The following DEUP1 variants were observed in gnomAD, a reference collection of about 807,000 sequenced individuals.
DEUP1 encodes the protein coiled-coil domain containing 67.
Under a neutral mutation model 87.4 loss-of-function variants are expected in DEUP1, and 82 were observed. That is an observed-to-expected ratio of 0.94 (90% CI 0.78 to 1.13). The LOEUF (loss-of-function observed/expected upper bound fraction) is 1.13, where lower values mean the gene tolerates loss of function less well. Ranked by LOEUF, DEUP1 falls within the 50% of genes most tolerant of loss-of-function variation. DEUP1 has a pLI of 0.00. For synonymous variants in DEUP1, 214 were observed against 222.7 expected (o/e 0.96, Z 0.35); for missense variants, 663 against 681.5 (o/e 0.97, Z 0.30).
At chr11:93,353,447 T>A (rs906196497) in intron 2 of DEUP1, among the ~76,000 whole-genome samples, 7 of 152,204 alleles carry the variant, frequency 4.6e-5, no homozygotes, top group Admixed American at 1.3e-4. Context: ...TCTACCGTTC[T>A]GGGGTCTGGA....
intron 2 of DEUP1, among the ~76,000 whole-genome samples, chr11:93,340,554 T>G (rs1944015824): frequency 6.6e-6 from 1 of 152,130 alleles, no homozygotes; most frequent in African/African-American, 2.4e-5. Flanking sequence ...GACTTAATAT[T>G]TTAAAAGGCT....
At chr11:93,349,765 AT>A (rs1416016202) in intron 2 of DEUP1, among the ~76,000 whole-genome samples, 5 of 152,212 alleles carry the variant, frequency 3.3e-5, no homozygotes, top group African/African-American at 1.2e-4. Flanking sequence ...ATAGAAGGAA[AT>A]AAAAATATTT....
chr11:93,407,024 G>A (rs921047090), intron 11 of DEUP1, among the ~76,000 whole-genome samples: 15 of 152,002 alleles, frequency 9.9e-5, no homozygotes, highest in Non-Finnish European at 1.9e-4. Context: ...TAATACATTA[G>A]TGGTGGGTAT....
At chr11:93,375,896 C>T (rs555640973) in intron 7 of DEUP1, among the ~76,000 whole-genome samples, 1 of 152,256 alleles carries the variant, frequency 6.6e-6, no homozygotes, top group African/African-American at 2.4e-5. Context: ...TAGAATTTAG[C>T]TGTGAATCTG....
At chr11:93,409,405 A>C (rs1023879549) in intron 12 of DEUP1, among the ~76,000 whole-genome samples, 1 of 152,364 alleles carries the variant, frequency 6.6e-6, no homozygotes, top group South Asian at 2.1e-4. Context: ...TAAGTCTCTG[A>C]AAGCCTTTTA....
chr11:93,409,137 G>A (rs749283761), intron 12 of DEUP1, among the ~76,000 whole-genome samples: 7 of 152,248 alleles, frequency 4.6e-5, no homozygotes, highest in South Asian at 4.1e-4. Context: ...GATTACAGGC[G>A]TGAGCCACCA....
At chr11:93,344,879 C>A (rs1944262774) in intron 2 of DEUP1, among the ~76,000 whole-genome samples, 2 of 147,322 alleles carry the variant, frequency 1.4e-5, no homozygotes, top group Admixed American at 6.9e-5. Flanking sequence ...TTTTTAAGTT[C>A]AAAGGTGCAT....
Position 93,408,420 on chromosome 11 carries a change from GAA to G in DEUP1, c.1517_1518del (p.Glu506GlyfsTer4). ...YQSQIKVEQN[E>X]ERLSHDCEPN... The stretch of plus-strand genomic sequence containing the variant: ...AAGCCAAATAAAAGTGGAACAAAAT[GAA>G]GAGAGGTATGCTGGCTCCATTATAT... On this transcript the variant is annotated frameshift_variant, in exon 12 of 14. Transcript: ENST00000298050. LOFTEE classifies it high-confidence loss of function. 1 of 1,541,674 alleles carries G rather than the reference GAA, an allele frequency of 6.5e-7. No individual in the cohort carries two copies. Among genetic ancestry groups the G allele is most frequent in the Non-Finnish European group, 8.8e-7 (1 of 1,141,576 alleles).
intron 2 of DEUP1, among the ~76,000 whole-genome samples, chr11:93,337,070 C>T (rs1943802279): frequency 6.6e-6 from 1 of 152,180 alleles, no homozygotes; most frequent in South Asian, 2.1e-4. Context: ...GCTTCCTAAA[C>T]ATCTAGGTAC....
intron 12 of DEUP1, among the ~76,000 whole-genome samples, chr11:93,409,522 G>C (rs1333335491): frequency 1.3e-5 from 2 of 152,094 alleles, no homozygotes; most frequent in Non-Finnish European, 2.9e-5. Context: ...TGTCCAACAA[G>C]GGATATTGTA....
At chr11:93,396,392 A>G in intron 11 of DEUP1, 67 bp downstream of exon 11, 1 of 980,538 alleles carries the variant, frequency 1.0e-6, no homozygotes, top group Non-Finnish European at 1.5e-6. Flanking sequence ...ATTAACCTAG[A>G]CATCATTTAT....
At chr11:93,337,109 T>C (rs1227725346) in intron 2 of DEUP1, among the ~76,000 whole-genome samples, 1 of 152,200 alleles carries the variant, frequency 6.6e-6, no homozygotes, top group East Asian at 1.9e-4. Context: ...ATTCTTCTTA[T>C]CTGCTGTGAA....
chr11:93,373,779 G>T (rs931094111), intron 7 of DEUP1, among the ~76,000 whole-genome samples: 21 of 151,734 alleles, frequency 1.4e-4, no homozygotes, highest in Admixed American at 5.3e-4. Flanking sequence ...TTCATATAAT[G>T]ACTTCTTTTC....
chr11:93,346,967 A>G (rs1388194105), intron 2 of DEUP1, among the ~76,000 whole-genome samples: 1 of 152,162 alleles, frequency 6.6e-6, no homozygotes, highest in East Asian at 1.9e-4. Context: ...GTTTCTAGAT[A>G]TAGGATCATG....
chr11:93,371,057 A>G lies in DEUP1; in HGVS notation c.566A>G (p.Gln189Arg). The G allele has an allele frequency of 6.2e-7, 1 of 1,611,028 alleles. No homozygotes were observed. Among genetic ancestry groups the G allele is most frequent in the Non-Finnish European group, 8.5e-7 (1 of 1,178,412 alleles). The change falls in exon 7 of 14, where the codon CAA becomes CGA. Residue 189 changes from glutamine to arginine, a missense_variant. Gln to Arg is a conservative substitution (Grantham distance 43, BLOSUM62 1). Transcript: ENST00000298050. ...NQFQKQAQSYQTQLNGKKQCL... is the reference protein window; with the variant it reads ...NQFQKQAQSYRTQLNGKKQCL... The stretch of plus-strand genomic sequence containing the variant: ...TTTCAGAAACAGGCACAAAGTTACC[A>G]AACTCAACTAAATGGTAAAAAACAG...
chr11:93,406,826 C>A (rs892511505), intron 11 of DEUP1, among the ~76,000 whole-genome samples: 1 of 151,828 alleles, frequency 6.6e-6, no homozygotes, highest in East Asian at 1.9e-4. Flanking sequence ...AACACAGACA[C>A]CCTAATGAAA....
chr11:93,396,407 C>A, intron 11 of DEUP1, 82 bp downstream of exon 11: 3 of 838,790 alleles, frequency 3.6e-6, no homozygotes, highest in Non-Finnish European at 5.5e-6. Context: ...ATTTATTGAG[C>A]ACTTGCTGTG....
chr11:93,402,567 G>A (rs1947150516), intron 11 of DEUP1, among the ~76,000 whole-genome samples: 1 of 151,950 alleles, frequency 6.6e-6, no homozygotes, highest in Non-Finnish European at 1.5e-5. Context: ...TGTGTTTATT[G>A]CAGCATTATT....
chr11:93,430,221 T>C (rs1948061382), intron 13 of DEUP1, among the ~76,000 whole-genome samples: 1 of 152,136 alleles, frequency 6.6e-6, no homozygotes, highest in Admixed American at 6.6e-5. Context: ...TGTTATTTAT[T>C]CATAAAATAA....
Sources: gnomAD v4.1 joint callset for allele counts (sites outside exome capture counted in the v4.1 genomes callset) on GRCh38, gnomAD v4.1.1 for gene constraint, MANE v1.5 for transcripts, NCBI Gene and HGNC (gene_info 2026-07-23, HGNC 2026-07-21) for gene names.